APMAP: variants seen among roughly 807,000 people sequenced by gnomAD.
The protein encoded by APMAP is adipocyte plasma membrane-associated protein.
Under a neutral mutation model 43.6 loss-of-function variants are expected in APMAP, and 33 were observed. The ratio of observed to expected loss-of-function variants is 0.76; its 90% CI spans 0.57 to 1.01. APMAP has a LOEUF of 1.01. APMAP is among the 50% of genes least tolerant of loss of function. The pLI is 0.00. For missense variants in APMAP, 498 were observed against 540.7 expected (o/e 0.92, Z 0.78); for synonymous variants, 224 against 216.7 (o/e 1.03, Z -0.30).
Position 24,963,068 on chromosome 20 carries a change from C to A in APMAP, c.*745G>T, listed in dbSNP as rs1018704455. The A allele has an allele frequency of 2.0e-5, 3 of 152,262 alleles. No homozygotes were observed. Among genetic ancestry groups the A allele is most frequent in the African/African-American group, 7.2e-5 (3 of 41,428 alleles). 9.4% of individuals were successfully genotyped at this position (152,262 alleles called of 1,614,324 possible). On this transcript the variant is annotated 3_prime_UTR_variant, in exon 9 of 9. Transcript: ENST00000217456. ...ACATTAACACGTGCACTGTTCACAT[C>A]TTGGGGTCTAGAGGTCAAGAACAAA... is the stretch of plus-strand genomic sequence containing the variant.
chr20:24,986,899 C>G (rs776477740), intron 1 of APMAP, among the ~76,000 whole-genome samples: 3 of 152,192 alleles, frequency 2.0e-5, no homozygotes, highest in Admixed American at 6.5e-5. Flanking sequence ...ACCTAGAGCC[C>G]TCAGAGCGGG....
At chr20:24,985,442 G>A (rs1197189241) in intron 1 of APMAP, among the ~76,000 whole-genome samples, 1 of 152,156 alleles carries the variant, frequency 6.6e-6, no homozygotes, top group Non-Finnish European at 1.5e-5. Flanking sequence ...AGGAAACAGA[G>A]CCTCCCCAGA....
In APMAP at chr20:24,978,973, G is replaced by A. The variant is rs189459322; in HGVS notation, c.213-91C>T. The A allele has an allele frequency of 1.0e-3, 1,025 of 1,026,598 alleles. 3 individuals are homozygous for A. The highest frequency in any genetic ancestry group is 2.0e-3 in the South Asian group (144 of 73,774). The allele number at this position is 1,026,598 out of a possible 1,614,324, so 63.6% of individuals were successfully genotyped here. A position where few individuals can be genotyped will look rare whatever the true frequency, so the allele number is the denominator to read the frequency against. The stretch of plus-strand genomic sequence containing the variant: ...CACCTGCTCTCAGTTCTTTGATAAA[G>A]ATGGCACTTTCTAACAACATCCTCA... On this transcript the variant is annotated intron_variant, in intron 2 of 8. Coordinates refer to ENST00000217456, the MANE Select transcript of APMAP (RefSeq NM_020531.3).
chr20:24,989,767 G>A (rs1214558907), intron 1 of APMAP, among the ~76,000 whole-genome samples: 3 of 152,152 alleles, frequency 2.0e-5, no homozygotes, highest in Non-Finnish European at 4.4e-5. Context: ...AAAGCCATCT[G>A]AAAATACACA....
intron 1 of APMAP, 93 bp from the exon 2 acceptor site, chr20:24,984,112 C>T (rs1028405733): frequency 4.5e-5 from 43 of 960,322 alleles, no homozygotes; most frequent in Non-Finnish European, 6.5e-5. Flanking sequence ...GGAGCAGGGA[C>T]GCTCATCCAG....
At chr20:24,977,272 T>C (rs1438079364) in intron 3 of APMAP, among the ~76,000 whole-genome samples, 2 of 152,246 alleles carry the variant, frequency 1.3e-5, no homozygotes, top group African/African-American at 2.4e-5. Flanking sequence ...GTGCATGGCA[T>C]GTGTGCAGAA....
intron 3 of APMAP, among the ~76,000 whole-genome samples, chr20:24,974,880 T>G (rs1040306203): frequency 3.3e-5 from 5 of 152,142 alleles, no homozygotes; most frequent in African/African-American, 1.2e-4. Context: ...AGAAACAGAA[T>G]CCACTATCAC....
At chr20:24,966,487 T>C (rs956671574) in intron 8 of APMAP, among the ~76,000 whole-genome samples, 16 of 152,190 alleles carry the variant, frequency 1.1e-4, no homozygotes, top group Non-Finnish European at 1.8e-4. Context: ...AGCAAACTGG[T>C]ATCGCGCCCT....
rs1458677254 is a variant in APMAP, at chr20:24,969,618, TA to T, written c.755del (p.Leu252TyrfsTer38). 1.9e-6 allele frequency: 3 copies of T among 1,613,906 alleles called. No individual in the cohort carries two copies. Among genetic ancestry groups the T allele is most frequent in the African/African-American group, 2.7e-5 (2 of 74,912 alleles). ...CATTCGGGAACCGCAGCTGGTCCAA[TA>T]AAACTTTTACTTCCCTGGTCACAGT... Reference protein sequence around the residue: ...YDTVTREVKVLLDQLRFPNGV... With the variant: ...YDTVTREVKVXLDQLRFPNGV... On this transcript the variant is annotated frameshift_variant, in exon 7 of 9. Transcript: ENST00000217456. LOFTEE classifies it high-confidence loss of function.
At chr20:24,969,778 G>T in intron 6 of APMAP, 118 bp from the exon 7 acceptor site, 1 of 1,360,088 alleles carries the variant, frequency 7.4e-7, no homozygotes, top group Non-Finnish European at 9.8e-7. Flanking sequence ...CAGGCCCTGG[G>T]TGCCCTGCTC....
At chr20:24,979,335 C>T (rs6050229) in intron 2 of APMAP, among the ~76,000 whole-genome samples, 13,663 of 152,248 alleles carry the variant, frequency 0.09, 699 homozygotes, top group Middle Eastern at 0.12. Context: ...AAGGGGAGAC[C>T]TTCCTGGGAC....
chr20:24,988,005 G>A lies in APMAP; in HGVS notation c.96-3986C>T, dbSNP rs575376609. ...ACCCCAAAGAGAGACAAAGCATATGGAAAGGTGGATGGTGAAGATGTGTGG... is the reference window on the plus strand; with the variant it reads ...ACCCCAAAGAGAGACAAAGCATATGAAAAGGTGGATGGTGAAGATGTGTGG... On this transcript the variant is annotated intron_variant, in intron 1 of 8. Coordinates refer to ENST00000217456, the MANE Select transcript of APMAP (RefSeq NM_020531.3). Among the ~76,000 whole-genome samples, 6 of 152,318 alleles carry A rather than the reference G, an allele frequency of 3.9e-5. No individual in the cohort carries two copies. The East Asian group carries it at 1.2e-3, about 29-fold the overall frequency.
chr20:24,969,253 C>T (rs1252639112), intron 7 of APMAP, among the ~76,000 whole-genome samples, 169 bp from the exon 8 acceptor site: 1 of 152,122 alleles, frequency 6.6e-6, no homozygotes, highest in Non-Finnish European at 1.5e-5. Context: ...GCACAGGGCC[C>T]AGTATGAACA....
At chr20:24,983,218 G>A (rs142641919) in intron 2 of APMAP, among the ~76,000 whole-genome samples, 3 of 152,236 alleles carry the variant, frequency 2.0e-5, no homozygotes, top group East Asian at 3.9e-4. Flanking sequence ...TATAATTCTT[G>A]TCTGAAGTTT....
intron 8 of APMAP, among the ~76,000 whole-genome samples, chr20:24,965,025 T>C (rs1454472446): frequency 6.6e-6 from 1 of 152,278 alleles, no homozygotes; most frequent in South Asian, 2.1e-4. Context: ...GATCTCATCC[T>C]CTCTCACTAT....
At position 24,966,508 on chromosome 20, in the gene APMAP, G is replaced by A. The variant is rs189585221; in HGVS notation, c.1041+2384C>T. On this transcript the variant is annotated intron_variant, in intron 8 of 8. Coordinates refer to ENST00000217456, the MANE Select transcript of APMAP (RefSeq NM_020531.3). The stretch of plus-strand genomic sequence containing the variant: ...CTGGTATCGCGCCCTCATGACAGCC[G>A]CGCCAAGATGAGCACAGCTTCACTG... 3.5e-4 allele frequency among the ~76,000 whole-genome samples: 53 copies of A among 152,298 alleles called. 1 individual carries two copies. The highest frequency in any genetic ancestry group is 2.5e-3 in the Admixed American group (38 of 15,298).
intron 1 of APMAP, among the ~76,000 whole-genome samples, chr20:24,986,422 A>G (rs933874086): frequency 6.6e-6 from 1 of 152,170 alleles, no homozygotes; most frequent in African/African-American, 2.4e-5. Context: ...GGCAGGTGAG[A>G]ATGAAGGGGA....
chr20:24,970,433 A>G (rs2087989175), intron 5 of APMAP, 62 bp from the exon 6 acceptor site: 10 of 1,467,280 alleles, frequency 6.8e-6, no homozygotes, highest in Non-Finnish European at 7.4e-6. Context: ...TAATTGCAAA[A>G]TATTAACCAA....
chr20:24,967,616 C>T (rs543688216), intron 8 of APMAP, among the ~76,000 whole-genome samples: 71 of 152,364 alleles, frequency 4.7e-4, no homozygotes, highest in African/African-American at 1.3e-3. Flanking sequence ...ACCACTCATA[C>T]TACCCTACGC....
Sources: gnomAD v4.1 joint callset for allele counts (sites outside exome capture counted in the v4.1 genomes callset) on GRCh38, gnomAD v4.1.1 for gene constraint, MANE v1.5 for transcripts, NCBI Gene and HGNC (gene_info 2026-07-23, HGNC 2026-07-21) for gene names.